The following NCALD variants were observed in gnomAD, a reference collection of about 807,000 sequenced individuals.
NCALD encodes the protein neurocalcin delta.
Under a neutral mutation model 18.6 loss-of-function variants are expected in NCALD, and 10 were observed. The observed-to-expected ratio is 0.54, with a 90% CI of 0.33 to 0.91. The LOEUF is 0.91. Ranked by LOEUF, NCALD falls within the 40% of genes least tolerant of loss-of-function variation. The pLI, the probability that NCALD is intolerant of heterozygous loss-of-function variation, is 0.03. For missense variants in NCALD, 184 were observed against 247.6 expected (o/e 0.74, Z 1.72); for synonymous variants, 88 against 87.4 (o/e 1.01, Z -0.04).
intron 1 of NCALD, among the ~76,000 whole-genome samples, chr8:101,776,096 G>A (rs1347471381): frequency 6.6e-6 from 1 of 152,098 alleles, no homozygotes; most frequent in Non-Finnish European, 1.5e-5. Flanking sequence ...TCCTGTTATA[G>A]ACAAACAAAA....
intron 1 of NCALD, among the ~76,000 whole-genome samples, chr8:102,091,786 C>A (rs969463381): frequency 1.3e-5 from 2 of 152,192 alleles, no homozygotes; most frequent in African/African-American, 4.8e-5. Context: ...CATACTAATG[C>A]TTTCTGACTG....
chr8:102,012,292 G>C (rs1448474293), intron 2 of NCALD, among the ~76,000 whole-genome samples: 4 of 152,158 alleles, frequency 2.6e-5, no homozygotes, highest in Admixed American at 6.5e-5. Context: ...CAACTGATTG[G>C]ACAGCACACG....
intron 1 of NCALD, among the ~76,000 whole-genome samples, chr8:102,051,732 C>T (rs1297396284): frequency 1.3e-5 from 2 of 152,192 alleles, no homozygotes; most frequent in Non-Finnish European, 2.9e-5. Context: ...TAGCCTTGAA[C>T]CCTTTCAGCT....
chr8:101,822,700 C>G (rs1813771264), intron 4 of NCALD, among the ~76,000 whole-genome samples: 1 of 152,172 alleles, frequency 6.6e-6, no homozygotes, highest in East Asian at 1.9e-4. Context: ...CTCCTGCAGC[C>G]TTTGTAATTC....
intron 2 of NCALD, among the ~76,000 whole-genome samples, chr8:102,000,931 C>G (rs1224681307): frequency 6.6e-6 from 1 of 152,194 alleles, no homozygotes; most frequent in Non-Finnish European, 1.5e-5. Flanking sequence ...GGGGAAGAAA[C>G]AGAGCAGAAA....
At chr8:101,821,629 C>T (rs1813719985) in intron 4 of NCALD, among the ~76,000 whole-genome samples, 2 of 152,094 alleles carry the variant, frequency 1.3e-5, no homozygotes, top group Admixed American at 1.3e-4. Context: ...CAGAGATGAA[C>T]ATGACACTAT....
intron 2 of NCALD, among the ~76,000 whole-genome samples, chr8:101,701,964 T>TAG (rs1460830731): frequency 1.3e-5 from 2 of 152,210 alleles, no homozygotes; most frequent in Non-Finnish European, 2.9e-5. Context: ...ATAAGTACTT[T>TAG]CTCATTTAGA....
At chr8:101,820,092 T>G (rs1813660140) in intron 4 of NCALD, among the ~76,000 whole-genome samples, 1 of 152,252 alleles carries the variant, frequency 6.6e-6, no homozygotes, top group Non-Finnish European at 1.5e-5. Flanking sequence ...TATTTTAATT[T>G]GTTTTATTAT....
intron 2 of NCALD, among the ~76,000 whole-genome samples, chr8:102,000,376 G>T (rs1473099136): frequency 1.3e-5 from 2 of 152,236 alleles, no homozygotes; most frequent in East Asian, 1.9e-4. Context: ...AGCCAAAGCA[G>T]CTGGGAAGCT....
intron 2 of NCALD, among the ~76,000 whole-genome samples, chr8:101,979,104 C>A (rs566167353): frequency 6.6e-6 from 1 of 152,266 alleles, no homozygotes; most frequent in African/African-American, 2.4e-5. Context: ...CCCAGAGAAG[C>A]AGAAGGCAGA....
At chr8:101,696,098 C>T (rs967700664) in intron 2 of NCALD, among the ~76,000 whole-genome samples, 2 of 152,126 alleles carry the variant, frequency 1.3e-5, no homozygotes, top group Admixed American at 6.5e-5. Flanking sequence ...ACCCACCCAC[C>T]ATTGCAGACG....
intron 2 of NCALD, among the ~76,000 whole-genome samples, chr8:101,920,117 T>C (rs1424091810): frequency 2.6e-5 from 4 of 151,698 alleles, no homozygotes; most frequent in African/African-American, 4.8e-5. Context: ...ATTAGCTGAG[T>C]GTGGTGGTGC....
chr8:102,041,716 A>T (rs1445619747), intron 1 of NCALD, among the ~76,000 whole-genome samples: 1 of 152,204 alleles, frequency 6.6e-6, no homozygotes, highest in African/African-American at 2.4e-5. Context: ...GAAAATTGCC[A>T]TCCTAGTTGA....
intron 1 of NCALD, among the ~76,000 whole-genome samples, chr8:102,087,214 G>A (rs1423066026): frequency 6.6e-6 from 1 of 152,136 alleles, no homozygotes; most frequent in Admixed American, 6.5e-5. Flanking sequence ...ATCTGGATTG[G>A]GACCCTTTCC....
chr8:101,979,739 A>G (rs562336030), intron 2 of NCALD, among the ~76,000 whole-genome samples: 1 of 152,346 alleles, frequency 6.6e-6, no homozygotes, highest in South Asian at 2.1e-4. Flanking sequence ...AACAGCTCAA[A>G]TCATTATAAA....
chr8:101,851,975 C>A (rs1815110600), intron 4 of NCALD, among the ~76,000 whole-genome samples: 1 of 152,120 alleles, frequency 6.6e-6, no homozygotes, highest in African/African-American at 2.4e-5. Flanking sequence ...AGGGTACATT[C>A]TTGCCCCTTC....
intron 4 of NCALD, among the ~76,000 whole-genome samples, chr8:101,836,390 G>T (rs1234837148): frequency 6.6e-6 from 1 of 152,214 alleles, no homozygotes; most frequent in Non-Finnish European, 1.5e-5. Flanking sequence ...GCAGTACTAT[G>T]CAGAGACTCA....
intron 1 of NCALD, among the ~76,000 whole-genome samples, chr8:102,055,569 G>T (rs916403010): frequency 8.5e-5 from 13 of 152,194 alleles, no homozygotes; most frequent in African/African-American, 3.1e-4. Flanking sequence ...CCTGCATATG[G>T]TGGTGCCAAA....
At chr8:101,836,247 G>T (rs1035155456) in intron 4 of NCALD, among the ~76,000 whole-genome samples, 1 of 152,150 alleles carries the variant, frequency 6.6e-6, no homozygotes, top group Non-Finnish European at 1.5e-5. Context: ...CCAATCAGAA[G>T]CTTAACTTGG....
Sources: gnomAD v4.1 joint callset for allele counts (sites outside exome capture counted in the v4.1 genomes callset) on GRCh38, gnomAD v4.1.1 for gene constraint, MANE v1.5 for transcripts, NCBI Gene and HGNC (gene_info 2026-07-23, HGNC 2026-07-21) for gene names.